The following FAT3 variants were observed in gnomAD, a reference collection of about 807,000 sequenced individuals.
FAT3 encodes the protein protocadherin Fat 3.
Under a neutral mutation model 310.2 loss-of-function variants are expected in FAT3, and 95 were observed. The ratio of observed to expected loss-of-function variants is 0.31; its 90% CI spans 0.26 to 0.36. The LOEUF (loss-of-function observed/expected upper bound fraction) is 0.36. Ranked by LOEUF, FAT3 falls within the 10% of genes least tolerant of loss-of-function variation. The pLI, the probability that FAT3 is intolerant of heterozygous loss-of-function variation, is 1.00. For synonymous variants in FAT3, 2,314 were observed against 2,192.9 expected (o/e 1.06, Z -1.54); for missense variants, 5,408 against 5,715.6 (o/e 0.95, Z 1.74).
At chr11:92,730,060 A>G (rs1565546844) in intron 4 of FAT3, among the ~76,000 whole-genome samples, 1 of 152,122 alleles carries the variant, frequency 6.6e-6, no homozygotes. Flanking sequence ...AAATTAATGT[A>G]TTTGGGCCAG....
chr11:92,727,698 C>T (rs1945039701), intron 4 of FAT3, among the ~76,000 whole-genome samples: 1 of 152,094 alleles, frequency 6.6e-6, no homozygotes, highest in Admixed American at 6.6e-5. Flanking sequence ...TTAATGTCTC[C>T]AGTGTTCATC....
intron 2 of FAT3, among the ~76,000 whole-genome samples, chr11:92,473,156 A>G (rs1951953925): frequency 6.6e-6 from 1 of 152,156 alleles, no homozygotes; most frequent in African/African-American, 2.4e-5. Context: ...CTCTGGGTTC[A>G]CGTATCTATC....
At position 92,895,212 on chromosome 11, in the gene FAT3, T is replaced by A. The variant is rs1248051281; in HGVS notation, c.*4099T>A. 6 of 152,238 alleles carry A rather than the reference T, an allele frequency of 3.9e-5. No individual in the cohort carries two copies. Among genetic ancestry groups the A allele is most frequent in the Non-Finnish European group, 8.8e-5 (6 of 68,028 alleles). 9.4% of individuals were successfully genotyped at this position (152,238 alleles called of 1,614,324 possible). ...AAATGGAGATTTGAAGAGGCATTTA[T>A]TCCTTGTCATCATTTTGTGTGCTCT... On this transcript the variant is annotated 3_prime_UTR_variant, in exon 28 of 28. Transcript: ENST00000525166.
chr11:92,765,767 G>A (rs1434707214), intron 6 of FAT3, among the ~76,000 whole-genome samples: 1 of 135,452 alleles, frequency 7.4e-6, no homozygotes, highest in Non-Finnish European at 1.6e-5. Context: ...TTTGAGGTTT[G>A]ATAGGGTTTG....
chr11:92,363,985 T>C (rs1948949071), intron 2 of FAT3, among the ~76,000 whole-genome samples: 1 of 152,132 alleles, frequency 6.6e-6, no homozygotes, highest in Non-Finnish European at 1.5e-5. Context: ...TTGACCTTTT[T>C]TTAACTGTGG....
chr11:92,856,744 T>G (rs1049480995), intron 19 of FAT3, among the ~76,000 whole-genome samples: 1 of 151,020 alleles, frequency 6.6e-6, no homozygotes, highest in Non-Finnish European at 1.5e-5. Context: ...AGAAATGTCT[T>G]TTTTTTTTCC....
At chr11:92,319,092 T>C (rs1005026751) in intron 1 of FAT3, among the ~76,000 whole-genome samples, 5 of 151,978 alleles carry the variant, frequency 3.3e-5, no homozygotes, top group African/African-American at 4.8e-5. Flanking sequence ...ACAACAACAA[T>C]AACAAAAAGC....
At chr11:92,754,626 T>G (rs1420622299) in intron 4 of FAT3, among the ~76,000 whole-genome samples, 1 of 16,700 alleles carries the variant, frequency 6.0e-5, no homozygotes, top group Non-Finnish European at 9.4e-5. Flanking sequence ...AGACTCTGCC[T>G]CAAAAAAAAA....
At chr11:92,679,213 A>T (rs1402734839) in intron 3 of FAT3, among the ~76,000 whole-genome samples, 1 of 151,958 alleles carries the variant, frequency 6.6e-6, no homozygotes, top group Non-Finnish European at 1.5e-5. Context: ...CCTTAGGTTG[A>T]TCCTATAGCT....
chr11:92,481,983 A>G (rs1237557218), intron 2 of FAT3, among the ~76,000 whole-genome samples: 4 of 152,178 alleles, frequency 2.6e-5, no homozygotes, highest in Non-Finnish European at 5.9e-5. Context: ...CATTTTAATT[A>G]CTTCATATGT....
chr11:92,734,893 G>A (rs1314609658), intron 4 of FAT3, among the ~76,000 whole-genome samples: 3 of 152,038 alleles, frequency 2.0e-5, no homozygotes, highest in Admixed American at 6.6e-5. Context: ...GAGGAAGATC[G>A]GATAAAAGGA....
chr11:92,514,845 A>C (rs1348313390), intron 2 of FAT3, among the ~76,000 whole-genome samples: 1 of 152,162 alleles, frequency 6.6e-6, no homozygotes, highest in East Asian at 1.9e-4. Flanking sequence ...TGTGAATGGG[A>C]ATATAGGTAT....
intron 3 of FAT3, among the ~76,000 whole-genome samples, chr11:92,649,876 T>C (rs1316508927): frequency 0.15 from 3,283 of 21,826 alleles, 217 homozygotes; most frequent in African/African-American, 0.25. Context: ...TGTATGTTCA[T>C]ATATATATAT....
chr11:92,598,138 T>C (rs1422851716), intron 3 of FAT3, among the ~76,000 whole-genome samples: 2 of 151,476 alleles, frequency 1.3e-5, no homozygotes, highest in Non-Finnish European at 2.9e-5. Flanking sequence ...TACTTAACTT[T>C]GTATATCACA....
rs1949261650 is a variant in FAT3, at chr11:92,866,904, G to A, written c.11822G>A (p.Arg3941His). Residue 3941 changes from arginine (R) to histidine (H), a missense_variant, in exon 22 of 28, where the codon CGC (arginine) becomes CAC (histidine). Arg to His is a conservative substitution (Grantham distance 29). Transcript: ENST00000525166. Reference protein sequence around the residue: ...LSLDDSYVERRRAPLYFQTLS... With the variant: ...LSLDDSYVERHRAPLYFQTLS... ...CTGGATGACAGCTACGTGGAGCGGC[G>A]CCGGGCGCCCCTCTACTTCCAGACG... 6.2e-7 allele frequency: 1 copy of A among 1,613,984 alleles called. No individual in the cohort carries two copies. The highest frequency in any genetic ancestry group is 8.5e-7 in the Non-Finnish European group (1 of 1,179,902).
chr11:92,628,620 A>C (rs1490668529), intron 3 of FAT3, among the ~76,000 whole-genome samples: 1 of 152,210 alleles, frequency 6.6e-6, no homozygotes, highest in Non-Finnish European at 1.5e-5. Context: ...ACTATTGTGT[A>C]CCTATGTCTA....
intron 2 of FAT3, among the ~76,000 whole-genome samples, chr11:92,469,479 A>G (rs1311458200): frequency 1.3e-5 from 2 of 152,012 alleles, no homozygotes; most frequent in African/African-American, 4.8e-5. Context: ...GATTGGCCTC[A>G]TCCTTCTTTT....
At chr11:92,375,056 C>A (rs1949305021) in intron 2 of FAT3, among the ~76,000 whole-genome samples, 1 of 152,108 alleles carries the variant, frequency 6.6e-6, no homozygotes, top group African/African-American at 2.4e-5. Context: ...CACACACACA[C>A]ACCATACCTA....
chr11:92,575,929 A>C (rs2135517860), intron 3 of FAT3, among the ~76,000 whole-genome samples: 1 of 152,306 alleles, frequency 6.6e-6, no homozygotes, highest in East Asian at 1.9e-4. Flanking sequence ...TTGCCTTTTA[A>C]GTTGTATTCA....
Sources: allele counts gnomAD v4.1 joint callset (sites outside exome capture counted in the v4.1 genomes callset), GRCh38; gene constraint gnomAD v4.1.1; transcripts MANE v1.5; gene names NCBI Gene and HGNC (gene_info 2026-07-23, HGNC 2026-07-21).